ATG16L1: variants seen among roughly 807,000 people sequenced by gnomAD.
The protein encoded by ATG16L1 is autophagy related 16 like 1.
In ATG16L1, 37 loss-of-function variants were observed where a neutral mutation model predicts 88.5. The ratio of observed to expected loss-of-function variants is 0.42; its 90% confidence interval spans 0.32 to 0.55. The LOEUF (loss-of-function observed/expected upper bound fraction) is 0.55. Among genes scored for constraint, ATG16L1 ranks in the 20% least tolerant of loss-of-function variants. The pLI is 0.13. For synonymous variants in ATG16L1, 301 were observed against 281.0 expected (o/e 1.07, Z -0.71); for missense variants, 554 against 752.8 (o/e 0.74, Z 3.09).
chr2:233,274,475 G>A (rs558545486), intron 8 of ATG16L1: 1 of 506,946 alleles, frequency 2.0e-6, no homozygotes, highest in African/African-American at 1.9e-5. Context: ...AGTAAGGCAT[G>A]TGCTGGCTCT....
Position 233,251,832 on chromosome 2 carries a change from C to T in ATG16L1, c.5C>T (p.Ser2Leu). 3 of 1,549,504 alleles carry T rather than the reference C, an allele frequency of 1.9e-6. No homozygotes were observed. The highest frequency in any genetic ancestry group is 2.6e-6 in the Non-Finnish European group (3 of 1,146,752). Reference sequence around the variant, plus strand: ...GGTGCCGGGGCAGCAAGTGACATGTCGTCGGGCCTCCGCGCCGCTGACTTC... The same window carrying T: ...GGTGCCGGGGCAGCAAGTGACATGTTGTCGGGCCTCCGCGCCGCTGACTTC... M[S>L]SGLRAADFPR... Residue 2 changes from serine to leucine, a missense_variant, in exon 1 of 18, where the codon TCG (serine) becomes TTG (leucine). Physicochemically the swap from Ser to Leu is moderately radical, Grantham distance 145 (BLOSUM62 -2). This residue lies in a region of ATG16L1 where 101 missense variants were observed against 107.0 expected (regional missense o/e 0.94). Transcript: ENST00000392017.
At chr2:233,289,404 T>TGA (rs1223263691) in intron 12 of ATG16L1, among the ~76,000 whole-genome samples, 3 of 130,978 alleles carry the variant, frequency 2.3e-5, no homozygotes, top group African/African-American at 1.0e-4. Context: ...TGTGTGTGTG[T>TGA]GTGTGACAGG....
chr2:233,263,899 T>C, intron 3 of ATG16L1, 93 bp from the exon 4 acceptor site: 2 of 1,274,032 alleles, frequency 1.6e-6, no homozygotes, highest in Admixed American at 3.7e-5. Context: ...AGCTCATTTA[T>C]TCTTTCTTAA....
intron 12 of ATG16L1, among the ~76,000 whole-genome samples, chr2:233,287,577 T>G (rs1215445797): frequency 6.6e-6 from 1 of 152,188 alleles, no homozygotes; most frequent in South Asian, 2.1e-4. Flanking sequence ...ATAAAATAGT[T>G]ATTCAGAATT....
intron 9 of ATG16L1, chr2:233,275,299 T>C (rs1698272593): frequency 4.6e-6 from 1 of 218,400 alleles, no homozygotes; most frequent in Admixed American, 5.2e-5. Flanking sequence ...TACTAGCAGG[T>C]AGTTTGCATC....
chr2:233,263,525 C>G (rs1346598983), intron 3 of ATG16L1, among the ~76,000 whole-genome samples: 3 of 152,144 alleles, frequency 2.0e-5, no homozygotes, highest in Non-Finnish European at 4.4e-5. Context: ...AAGCCTGCTA[C>G]CTGGTGCGCT....
chr2:233,254,419 C>T (rs1206819641), intron 1 of ATG16L1, among the ~76,000 whole-genome samples: 1 of 152,192 alleles, frequency 6.6e-6, no homozygotes, highest in African/African-American at 2.4e-5. Context: ...TCCACTCATT[C>T]CAGCCTTCCC....
rs1478641346 is a variant in ATG16L1, at chr2:233,256,090, T to C, written c.116-12T>C. The C allele has an allele frequency of 6.2e-7, 1 of 1,609,434 alleles. No homozygotes were observed. The highest frequency in any genetic ancestry group is 1.1e-5 in the South Asian group (1 of 90,850). On this transcript the variant is annotated splice_polypyrimidine_tract_variant and intron_variant, in intron 1 of 17. Coordinates refer to ENST00000392017, the MANE Select transcript of ATG16L1 (RefSeq NM_030803.7). ...ATAAATAACTTAGTTTCTGACTTTTTTATTTTAATAGATAACAAATTGCTG... is the reference window on the plus strand; with the variant it reads ...ATAAATAACTTAGTTTCTGACTTTTCTATTTTAATAGATAACAAATTGCTG...
At chr2:233,289,197 G>A (rs998167620) in intron 12 of ATG16L1, among the ~76,000 whole-genome samples, 5 of 152,184 alleles carry the variant, frequency 3.3e-5, no homozygotes, top group Non-Finnish European at 7.3e-5. Context: ...TGGGGAGCAC[G>A]TGAAGCTTGG....
Position 233,294,622 on chromosome 2 carries a change from G to T in ATG16L1, c.*272G>T. ...TGCCTTGGGAAACACTACTAGCTCT[G>T]ACCTTCCATACCTCACTTGGGGGAG... On this transcript the variant is annotated 3_prime_UTR_variant, in exon 18 of 18. Transcript: ENST00000392017. The T allele has an allele frequency of 3.4e-6, 1 of 294,196 alleles. No homozygotes were observed. The allele number at this position is 294,196 out of a possible 1,614,324, so 18.2% of individuals were successfully genotyped here.
intron 2 of ATG16L1, among the ~76,000 whole-genome samples, chr2:233,257,997 G>A (rs1477407206): frequency 1.6e-5 from 2 of 122,160 alleles, no homozygotes; most frequent in South Asian, 2.9e-4. Flanking sequence ...GCGAGACTCC[G>A]TCTCAAAAAA....
intron 11 of ATG16L1, among the ~76,000 whole-genome samples, chr2:233,281,381 G>A (rs1698710388): frequency 6.6e-6 from 1 of 152,128 alleles, no homozygotes; most frequent in African/African-American, 2.4e-5. Context: ...CATGCATTAG[G>A]CTTGTGATGT....
At position 233,251,936 on chromosome 2, in the gene ATG16L1, C is replaced by T. The variant is rs780646653; in HGVS notation, c.109C>T (p.Leu37=). Residue 37 remains leucine, a synonymous_variant, in exon 1 of 18, where the codon CTG becomes TTG. Transcript: ENST00000392017. ...LQRQAFEEII[L]QYNKLLEKSD... ...GAGACAGGCGTTCGAGGAGATCATC[C>T]TGCAGTGTGAGCGGCGCCGGTGCGG... The T allele has an allele frequency of 1.1e-5, 17 of 1,545,088 alleles. No individual in the cohort carries two copies. The highest frequency in any genetic ancestry group is 2.0e-5 in the Admixed American group (1 of 50,826).
chr2:233,263,787 C>T (rs991574931), intron 3 of ATG16L1, among the ~76,000 whole-genome samples: 2 of 152,196 alleles, frequency 1.3e-5, no homozygotes, highest in African/African-American at 4.8e-5. Context: ...TGGCAGTCAC[C>T]TGGAACACTT....
At position 233,253,340 on chromosome 2, in the gene ATG16L1, G is replaced by GTTTTTTTT. The variant is rs56151049; in HGVS notation, c.115+1412_115+1419dup. ...GTTAATGGTGAGACTGGGTTTTTTT[G>GTTTTTTTT]TTTTTTTTTTTTTTTTTTTTTGGAG... On this transcript the variant is annotated intron_variant, in intron 1 of 17. Coordinates refer to ENST00000392017, the MANE Select transcript of ATG16L1 (RefSeq NM_030803.7). 9.9e-4 allele frequency among the ~76,000 whole-genome samples: 108 copies of GTTTTTTTT among 108,592 alleles called. 1 individual carries two copies. The highest frequency in any genetic ancestry group is 1.3e-3 in the African/African-American group (37 of 27,614). The allele number at this position is 108,592 out of a possible 152,430, so 71.2% of individuals were successfully genotyped here. A position where few individuals can be genotyped will look rare whatever the true frequency, so the allele number is the denominator to read the frequency against.
intron 2 of ATG16L1, among the ~76,000 whole-genome samples, chr2:233,262,371 C>T (rs1159417261): frequency 6.6e-6 from 1 of 152,214 alleles, no homozygotes; most frequent in Non-Finnish European, 1.5e-5. Context: ...AGTCATTCAG[C>T]TGCTCAGAGC....
chr2:233,260,799 A>G (rs945084291), intron 2 of ATG16L1, among the ~76,000 whole-genome samples: 13 of 152,000 alleles, frequency 8.6e-5, no homozygotes, highest in Admixed American at 3.3e-4. Flanking sequence ...TCTTGCCTCC[A>G]TTTTGCCCTT....
chr2:233,271,760 G>T (rs780603844), intron 6 of ATG16L1, among the ~76,000 whole-genome samples: 2 of 152,248 alleles, frequency 1.3e-5, no homozygotes, highest in Non-Finnish European at 2.9e-5. Context: ...CAAAGGCTCA[G>T]CTCATATTTG....
At chr2:233,289,717 T>C (rs1442823320) in intron 12 of ATG16L1, 137 bp from the exon 13 acceptor site, 11 of 1,154,042 alleles carry the variant, frequency 9.5e-6, no homozygotes, top group Non-Finnish European at 1.4e-5. Flanking sequence ...TGCTGTCTTA[T>C]CGCTTTGAGT....
Sources: allele counts gnomAD v4.1 joint callset (sites outside exome capture counted in the v4.1 genomes callset), GRCh38; gene constraint gnomAD v4.1.1; regional missense constraint gnomAD v4.1.1; transcripts MANE v1.5; gene names NCBI Gene and HGNC (gene_info 2026-07-23, HGNC 2026-07-21).